TMEM59: variants seen among roughly 807,000 people sequenced by gnomAD.
The protein encoded by TMEM59 is dendritic cell factor 1.
In TMEM59, 44 loss-of-function variants were observed where a neutral mutation model predicts 42.2. The observed-to-expected ratio is 1.04, with a 90% CI of 0.82 to 1.34. The LOEUF is 1.34. TMEM59 is among the 40% of genes most tolerant of loss of function. The probability of loss-of-function intolerance (pLI) is 0.00; values close to 1 mark genes in which losing one functional copy is unlikely to be tolerated. For synonymous variants in TMEM59, 148 were observed against 145.8 expected (o/e 1.02, Z -0.11); for missense variants, 359 against 382.8 (o/e 0.94, Z 0.52).
At chr1:54,032,391 A>G in intron 7 of TMEM59, 86 bp from the exon 8 acceptor site, 1 of 1,247,202 alleles carries the variant, frequency 8.0e-7, no homozygotes, top group Non-Finnish European at 1.0e-6. Flanking sequence ...TTAATTTATA[A>G]ATAGTTGGTA....
chr1:54,041,675 A>G (rs770183265), intron 5 of TMEM59, 49 bp downstream of exon 5: 1 of 1,473,408 alleles, frequency 6.8e-7, no homozygotes, highest in Admixed American at 1.7e-5. Context: ...TACTACAACC[A>G]GATTTGACTG....
At position 54,031,566 on chromosome 1, in the gene TMEM59, A is replaced by T. The variant is rs1342306228; in HGVS notation, c.*584T>A. Reference sequence around the variant, plus strand: ...CATCAAAATGGTCCCTGACCATCACATTATAAAGCAATAGCAATAAACACA... The same window carrying T: ...CATCAAAATGGTCCCTGACCATCACTTTATAAAGCAATAGCAATAAACACA... On this transcript the variant is annotated 3_prime_UTR_variant, in exon 8 of 8. Coordinates refer to ENST00000234831, the MANE Select transcript of TMEM59 (RefSeq NM_004872.5). The T allele has an allele frequency of 6.5e-6, 1 of 152,682 alleles. No homozygotes were observed. The highest frequency in any genetic ancestry group is 1.9e-4 in the East Asian group (1 of 5,202). The allele number at this position is 152,682 out of a possible 1,614,324, so 9.5% of individuals were successfully genotyped here. A position where few individuals can be genotyped will look rare whatever the true frequency, so the allele number is the denominator to read the frequency against.
chr1:54,041,730 T>C lies in TMEM59; in HGVS notation c.619A>G (p.Met207Val). 3.1e-6 allele frequency: 5 copies of C among 1,613,056 alleles called. No individual in the cohort carries two copies. Among genetic ancestry groups the C allele is most frequent in the Non-Finnish European group, 4.2e-6 (5 of 1,179,348 alleles). The stretch of plus-strand genomic sequence containing the variant: ...TACTTAAAATAAAACTTACAGGACA[T>C]TTTGCTTAGAGATGATTCTCTCAAA... ...TNLRESSLSK[M>V]SYLQMRNSQA... The change falls in exon 5 of 8, where the codon ATG (methionine) becomes GTG (valine). Residue 207 changes from methionine (M) to valine (V), a missense_variant. Met to Val is a conservative substitution (Grantham distance 21, BLOSUM62 1). Coordinates refer to ENST00000234831, the MANE Select transcript of TMEM59 (RefSeq NM_004872.5).
intron 3 of TMEM59, 43 bp downstream of exon 3, chr1:54,045,649 G>T: frequency 6.4e-7 from 1 of 1,564,612 alleles, no homozygotes; most frequent in Non-Finnish European, 8.8e-7. Flanking sequence ...ACAAGTCAGT[G>T]CCATCTAAGC....
intron 1 of TMEM59, among the ~76,000 whole-genome samples, chr1:54,052,524 G>C (rs374541244): frequency 5.9e-5 from 9 of 152,292 alleles, no homozygotes; most frequent in East Asian, 5.8e-4. Flanking sequence ...ATACCACAGT[G>C]GAATCGTCTA....
intron 1 of TMEM59, among the ~76,000 whole-genome samples, chr1:54,049,362 C>T (rs184614175): frequency 6.6e-6 from 1 of 152,306 alleles, no homozygotes; most frequent in Admixed American, 6.5e-5. Context: ...AATAGCATTA[C>T]TACTATGTAG....
rs1394696766 is a variant in TMEM59 at position 54,040,944 on chromosome 1, TTG to T, written c.626-109_626-108del. On this transcript the variant is annotated intron_variant, in intron 5 of 7. Transcript: ENST00000234831. Reference sequence around the variant, plus strand: ...TTTACAGATATCCAATTGTTTTTGTTTGTGTCATCTGATACATTTTATAATGT... The same window carrying T: ...TTTACAGATATCCAATTGTTTTTGTTTGTCATCTGATACATTTTATAATGT... 3.6e-6 allele frequency: 3 copies of T among 827,814 alleles called. No homozygotes were observed. The African/African-American group carries it at 5.2e-5, about 14-fold the overall frequency. 51.3% of individuals were successfully genotyped at this position (827,814 alleles called of 1,614,324 possible). A position where few individuals can be genotyped will look rare whatever the true frequency, so the allele number is the denominator to read the frequency against.
At chr1:54,047,415 T>C in intron 1 of TMEM59, 43 bp from the exon 2 acceptor site, 1 of 1,523,150 alleles carries the variant, frequency 6.6e-7, no homozygotes, top group South Asian at 1.2e-5. Flanking sequence ...AAAATAGTAT[T>C]TTTTTTTCCT....
intron 3 of TMEM59, chr1:54,044,726 G>A (rs1194423570): frequency 2.6e-5 from 4 of 151,782 alleles, no homozygotes; most frequent in Non-Finnish European, 2.9e-5. Flanking sequence ...TCACAAATGT[G>A]CAAAATAGGT....
intron 4 of TMEM59, among the ~76,000 whole-genome samples, chr1:54,042,014 G>C (rs1462628212): frequency 6.6e-6 from 1 of 150,718 alleles, no homozygotes; most frequent in Admixed American, 6.6e-5. Context: ...CAGATTTCTG[G>C]CAGATTTATG....
chr1:54,053,180 C>G lies in TMEM59; in HGVS notation c.9G>C (p.Ala3=), dbSNP rs1213168155. 1.2e-6 allele frequency: 2 copies of G among 1,614,018 alleles called. No individual in the cohort carries two copies. Among genetic ancestry groups the G allele is most frequent in the Admixed American group, 3.3e-5 (2 of 60,008 alleles). Residue 3 remains alanine, a synonymous_variant, in exon 1 of 8, where the codon GCG becomes GCC. Transcript: ENST00000234831. ...TCCTCACCCAGAGGCTCCCCTTCGG[C>G]GCCGCCATCTTGTTCCCCTCTGTCA... is the stretch of plus-strand genomic sequence containing the variant. MA[A]PKGSLWVRTQ... is the part of the protein sequence containing the mutation.
At chr1:54,039,643 A>G (rs1657071620) in intron 6 of TMEM59, among the ~76,000 whole-genome samples, 1 of 152,226 alleles carries the variant, frequency 6.6e-6, no homozygotes, top group African/African-American at 2.4e-5. Context: ...AATTACAGGG[A>G]GCATGTGATT....
intron 4 of TMEM59, among the ~76,000 whole-genome samples, chr1:54,042,490 G>A (rs927700758): frequency 1.3e-5 from 2 of 152,126 alleles, no homozygotes; most frequent in Non-Finnish European, 2.9e-5. Context: ...GAAAATTCCT[G>A]TGTTTTACTT....
chr1:54,048,689 A>C (rs1322367604), intron 1 of TMEM59: 1 of 457,694 alleles, frequency 2.2e-6, no homozygotes, highest in Non-Finnish European at 4.5e-6. Flanking sequence ...ACACCTAATA[A>C]GGAAACAGCA....
intron 7 of TMEM59, chr1:54,033,675 C>T (rs1376239155): frequency 6.6e-6 from 1 of 151,276 alleles, no homozygotes; most frequent in Non-Finnish European, 1.5e-5. Context: ...ATCCCTGTAT[C>T]CAAAAGTTAG....
chr1:54,048,776 G>T (rs755117633), intron 1 of TMEM59: 2 of 319,760 alleles, frequency 6.3e-6, no homozygotes, highest in Non-Finnish European at 1.3e-5. Flanking sequence ...TAAAATTTAC[G>T]CAGCAGCAAC....
intron 1 of TMEM59, among the ~76,000 whole-genome samples, chr1:54,051,788 C>T (rs897890084): frequency 6.6e-6 from 1 of 152,214 alleles, no homozygotes; most frequent in African/African-American, 2.4e-5. Context: ...CTTCTCACTT[C>T]TTTCTCGATT....
Position 54,036,725 on chromosome 1 carries a change from A to G in TMEM59, c.708-7T>C. On this transcript the variant is annotated splice_polypyrimidine_tract_variant and splice_region_variant and intron_variant, in intron 6 of 7. Transcript: ENST00000234831. ...TAAAATCCACCCAGAGTTACTGGAA[A>G]AAAAAAATCAACAATTAGTTATATT... 6.4e-7 allele frequency: 1 copy of G among 1,559,054 alleles called. No individual in the cohort carries two copies. The highest frequency in any genetic ancestry group is 1.2e-5 in the South Asian group (1 of 81,624).
At chr1:54,047,573 G>A (rs1442522936) in intron 1 of TMEM59, 2 of 485,750 alleles carry the variant, frequency 4.1e-6, no homozygotes, top group Non-Finnish European at 7.2e-6. Flanking sequence ...TATTTTAAAA[G>A]TGATACGAAG....
Sources: allele counts gnomAD v4.1 joint callset (sites outside exome capture counted in the v4.1 genomes callset), GRCh38; gene constraint gnomAD v4.1.1; transcripts MANE v1.5; gene names NCBI Gene and HGNC (gene_info 2026-07-23, HGNC 2026-07-21).